CSMD1: variants seen among roughly 807,000 people sequenced by gnomAD.
The protein encoded by CSMD1 is CUB and Sushi multiple domains 1.
In CSMD1, 213 loss-of-function variants were observed where a neutral mutation model predicts 417.5. The ratio of observed to expected loss-of-function variants is 0.51; its 90% CI spans 0.46 to 0.57. CSMD1 has a LOEUF of 0.57. Ranked by LOEUF, CSMD1 falls within the 20% of genes least tolerant of loss-of-function variation. CSMD1 has a pLI of 0.00. For synonymous variants in CSMD1, 2,862 were observed against 1,736.8 expected, an observed-to-expected ratio of 1.65 and a Z score of -16.11; for missense variants, 6,923 against 4,529.7, an observed-to-expected ratio of 1.53 and a Z score of -15.17.
At chr8:3,719,244 G>T (rs1802009755) in intron 6 of CSMD1, among the ~76,000 whole-genome samples, 1 of 151,920 alleles carries the variant, frequency 6.6e-6, no homozygotes. Flanking sequence ...ACCTTGCAAG[G>T]TGAACAACGT....
At chr8:4,743,185 A>G (rs1270237942) in intron 1 of CSMD1, among the ~76,000 whole-genome samples, 1 of 152,228 alleles carries the variant, frequency 6.6e-6, no homozygotes, top group Non-Finnish European at 1.5e-5. Flanking sequence ...ATCTATTTCA[A>G]GAAAAATAGC....
chr8:3,781,522 A>G (rs948627791), intron 5 of CSMD1, among the ~76,000 whole-genome samples: 1 of 152,112 alleles, frequency 6.6e-6, no homozygotes, highest in African/African-American at 2.4e-5. Flanking sequence ...GATTGTGGAC[A>G]TGGATATATG....
At chr8:3,292,750 A>G (rs1326352170) in intron 25 of CSMD1, among the ~76,000 whole-genome samples, 2 of 152,152 alleles carry the variant, frequency 1.3e-5, no homozygotes, top group Non-Finnish European at 2.9e-5. Context: ...TCCTGAATAG[A>G]GCACACTGAT....
chr8:4,925,833 C>G (rs1475901504), intron 1 of CSMD1, among the ~76,000 whole-genome samples: 1 of 152,142 alleles, frequency 6.6e-6, no homozygotes, highest in Admixed American at 6.5e-5. Context: ...AGGCGTGAGC[C>G]CTCGCGCCTG....
intron 23 of CSMD1, among the ~76,000 whole-genome samples, chr8:3,326,177 C>T (rs1025620941): frequency 6.6e-6 from 1 of 152,152 alleles, no homozygotes; most frequent in Non-Finnish European, 1.5e-5. Flanking sequence ...CTGACAGTTC[C>T]GTCTTCGCGA....
At chr8:4,632,815 C>G (rs1478282) in intron 2 of CSMD1, among the ~76,000 whole-genome samples, 129,918 of 152,074 alleles carry the variant, frequency 0.85, 55,890 homozygotes, top group African/African-American at 0.95. Flanking sequence ...ATGTGCACTG[C>G]GTTTTGAAAG....
At chr8:3,108,097 C>A (rs578098089) in intron 44 of CSMD1, among the ~76,000 whole-genome samples, 16 of 152,332 alleles carry the variant, frequency 1.1e-4, no homozygotes, top group Admixed American at 2.0e-4. Context: ...TCAACAGTCA[C>A]AACCTGGCTC....
intron 7 of CSMD1, among the ~76,000 whole-genome samples, chr8:3,654,028 G>T (rs1047190388): frequency 6.6e-6 from 1 of 152,090 alleles, no homozygotes; most frequent in African/African-American, 2.4e-5. Context: ...TCACTGCTTG[G>T]AGGGGCCAAC....
intron 10 of CSMD1, among the ~76,000 whole-genome samples, chr8:3,498,125 C>T (rs1162983152): frequency 6.6e-6 from 1 of 152,156 alleles, no homozygotes; most frequent in Non-Finnish European, 1.5e-5. Flanking sequence ...ATTATATCAC[C>T]CTGTTCTCCC....
chr8:4,852,900 G>A (rs937082531), intron 1 of CSMD1, among the ~76,000 whole-genome samples: 4 of 152,166 alleles, frequency 2.6e-5, no homozygotes, highest in South Asian at 2.1e-4. Flanking sequence ...ATCTGTGGAA[G>A]GTTGAGCTTA....
chr8:3,610,260 C>A (rs763563720), intron 8 of CSMD1, among the ~76,000 whole-genome samples: 2 of 152,066 alleles, frequency 1.3e-5, no homozygotes, highest in African/African-American at 4.8e-5. Context: ...GATATGTGGG[C>A]TGGGCACGGT....
chr8:3,610,804 G>C (rs988194832), intron 8 of CSMD1, among the ~76,000 whole-genome samples: 1 of 151,980 alleles, frequency 6.6e-6, no homozygotes, highest in Non-Finnish European at 1.5e-5. Flanking sequence ...TGGAAAGGTG[G>C]AATTTTAGAA....
intron 12 of CSMD1, among the ~76,000 whole-genome samples, chr8:3,421,413 A>T (rs981643209): frequency 6.6e-6 from 1 of 152,218 alleles, no homozygotes; most frequent in East Asian, 1.9e-4. Context: ...ACTATATACA[A>T]TCCCAGGTTG....
intron 5 of CSMD1, among the ~76,000 whole-genome samples, chr8:3,832,601 C>T (rs912503975): frequency 1.3e-5 from 2 of 152,076 alleles, no homozygotes; most frequent in Non-Finnish European, 2.9e-5. Context: ...AATAACACAG[C>T]AATGATGGCA....
At chr8:3,557,787 TAG>T (rs1344867702) in intron 10 of CSMD1, among the ~76,000 whole-genome samples, 2 of 152,198 alleles carry the variant, frequency 1.3e-5, no homozygotes, top group Admixed American at 6.5e-5. Flanking sequence ...CTAGGACAGA[TAG>T]AGTCTTTGGT....
At chr8:4,797,327 G>C (rs1474524594) in intron 1 of CSMD1, among the ~76,000 whole-genome samples, 2 of 152,164 alleles carry the variant, frequency 1.3e-5, no homozygotes, top group Admixed American at 1.3e-4. Context: ...GCAGCTGAGA[G>C]TGCACCTGGA....
At chr8:3,803,265 G>A (rs543362384) in intron 5 of CSMD1, among the ~76,000 whole-genome samples, 5 of 151,884 alleles carry the variant, frequency 3.3e-5, no homozygotes, top group South Asian at 2.1e-4. Flanking sequence ...TCAGGAACAC[G>A]GGTTCTCATT....
intron 1 of CSMD1, among the ~76,000 whole-genome samples, chr8:4,774,924 A>G (rs1796771833): frequency 6.6e-6 from 1 of 152,182 alleles, no homozygotes; most frequent in Non-Finnish European, 1.5e-5. Context: ...TTCCAGCATG[A>G]TGTTCTCTGT....
At chr8:4,188,417 A>T (rs1458745275) in intron 3 of CSMD1, among the ~76,000 whole-genome samples, 1 of 152,156 alleles carries the variant, frequency 6.6e-6, no homozygotes, top group Non-Finnish European at 1.5e-5. Flanking sequence ...GCCTCAGATT[A>T]TTTCGGCAGA....
Sources: allele counts gnomAD v4.1 joint callset (sites outside exome capture counted in the v4.1 genomes callset), GRCh38; gene constraint gnomAD v4.1.1; transcripts MANE v1.5; gene names NCBI Gene and HGNC (gene_info 2026-07-23, HGNC 2026-07-21).